Variants in ERICH6B observed in about 807,000 individuals in gnomAD.
The protein encoded by ERICH6B is glutamate rich 6B, also known as glutamate-rich protein 6B.
ERICH6B carries 69 observed loss-of-function variants against 80.0 expected under a neutral mutation model. The observed-to-expected ratio is 0.86, with a 90% confidence interval of 0.71 to 1.05. The LOEUF (loss-of-function observed/expected upper bound fraction) is 1.05, where lower values mean the gene tolerates loss of function less well. Among genes scored for constraint, ERICH6B ranks in the 50% least tolerant of loss-of-function variants. The probability of loss-of-function intolerance (pLI) is 0.00; values close to 1 mark genes in which losing one functional copy is unlikely to be tolerated. For synonymous variants in ERICH6B, 283 were observed against 291.9 expected (o/e 0.97, Z 0.31); for missense variants, 754 against 796.1 (o/e 0.95, Z 0.64).
chr13:45,546,538 G>A (rs1032237766), intron 13 of ERICH6B, among the ~76,000 whole-genome samples: 8 of 152,066 alleles, frequency 5.3e-5, no homozygotes, highest in Admixed American at 3.9e-4. Flanking sequence ...AGGCTTTGAC[G>A]CCCGTAGCTC....
chr13:45,591,253 T>G (rs1463312056), intron 3 of ERICH6B, among the ~76,000 whole-genome samples: 2 of 152,194 alleles, frequency 1.3e-5, no homozygotes, highest in Non-Finnish European at 2.9e-5. Context: ...CACTTATCCG[T>G]AGCTTACCCA....
chr13:45,605,405 T>A (rs553369346), intron 2 of ERICH6B, among the ~76,000 whole-genome samples: 19 of 152,374 alleles, frequency 1.2e-4, no homozygotes, highest in African/African-American at 4.3e-4. Context: ...TTTAGCTGTT[T>A]GTATAATGCT....
intron 7 of ERICH6B, among the ~76,000 whole-genome samples, chr13:45,579,447 T>C (rs1049998075): frequency 1.3e-5 from 2 of 152,206 alleles, no homozygotes; most frequent in African/African-American, 4.8e-5. Flanking sequence ...AAGTTGGGAT[T>C]CTGCTGCTGT....
At chr13:45,595,679 C>CTT (rs760500009) in intron 3 of ERICH6B, among the ~76,000 whole-genome samples, 2,659 of 135,958 alleles carry the variant, frequency 0.02, 83 homozygotes, top group African/African-American at 0.068. Context: ...TCTTCTCTCT[C>CTT]TTTTTTTTTT....
At chr13:45,608,688 G>A (rs1949883040) in intron 1 of ERICH6B, among the ~76,000 whole-genome samples, 1 of 152,136 alleles carries the variant, frequency 6.6e-6, no homozygotes, top group Admixed American at 6.5e-5. Flanking sequence ...TATTTAAGAA[G>A]GAAATAAAAG....
In ERICH6B at chr13:45,544,835, C is replaced by A. The variant is rs780390003; in HGVS notation, c.1797G>T (p.Arg599Ser). 1.9e-6 allele frequency: 3 copies of A among 1,551,578 alleles called. No homozygotes were observed. The highest frequency in any genetic ancestry group is 1.7e-6 in the Non-Finnish European group (2 of 1,147,004). ...AGCAGAAGATGATCTTATCCTGGCT[C>A]CTTATTTGTACCTGGATGTACTCAT... is the stretch of plus-strand genomic sequence containing the variant. The part of the protein sequence containing the change: ...KINEYIQVQI[R>S]SQDKIIFCFT... Residue 599 changes from arginine to serine, a missense_variant, in exon 14 of 15, where the codon AGG becomes AGT. Arg to Ser is a moderately radical substitution (Grantham distance 110, BLOSUM62 -1). Coordinates refer to ENST00000298738, the MANE Select transcript of ERICH6B (RefSeq NM_182542.3).
At chr13:45,567,532 A>G (rs1013394452) in intron 9 of ERICH6B, among the ~76,000 whole-genome samples, 20 of 152,174 alleles carry the variant, frequency 1.3e-4, no homozygotes, top group Non-Finnish European at 1.5e-5. Flanking sequence ...TATTATAAGG[A>G]GGAGTTTCCC....
At chr13:45,593,304 T>G (rs3014936) in intron 3 of ERICH6B, among the ~76,000 whole-genome samples, 69,106 of 151,894 alleles carry the variant, frequency 0.45, 16,263 homozygotes, top group Non-Finnish European at 0.51. Context: ...CCACAGCCTG[T>G]TTCATTGTGT....
At chr13:45,591,324 A>T (rs1349850491) in intron 3 of ERICH6B, among the ~76,000 whole-genome samples, 1 of 152,208 alleles carries the variant, frequency 6.6e-6, no homozygotes, top group Admixed American at 6.5e-5. Flanking sequence ...CGGCTGGGTG[A>T]GGTGGCTCAT....
chr13:45,585,081 C>T (rs757984374), intron 5 of ERICH6B, among the ~76,000 whole-genome samples: 8 of 152,188 alleles, frequency 5.3e-5, no homozygotes, highest in Admixed American at 1.3e-4. Context: ...CTGCTCAGTG[C>T]TCCTTGGTTC....
At chr13:45,550,544 A>G (rs967354378) in intron 11 of ERICH6B, among the ~76,000 whole-genome samples, 11 of 152,282 alleles carry the variant, frequency 7.2e-5, no homozygotes, top group South Asian at 6.2e-4. Context: ...AATCACCCCA[A>G]TGATTATTGA....
chr13:45,559,283 A>T (rs1874568256), intron 11 of ERICH6B, among the ~76,000 whole-genome samples: 1 of 150,902 alleles, frequency 6.6e-6, no homozygotes, highest in South Asian at 2.1e-4. Flanking sequence ...ATTTATTTGG[A>T]TTTTCTCTCT....
At chr13:45,612,858 G>A (rs921719213) in intron 1 of ERICH6B, among the ~76,000 whole-genome samples, 3 of 152,146 alleles carry the variant, frequency 2.0e-5, no homozygotes, top group Non-Finnish European at 4.4e-5. Flanking sequence ...CTTAGTCATT[G>A]GGAAGGCTTG....
intron 8 of ERICH6B, among the ~76,000 whole-genome samples, chr13:45,572,266 A>C (rs1274900926): frequency 6.6e-6 from 1 of 152,198 alleles, no homozygotes; most frequent in Non-Finnish European, 1.5e-5. Flanking sequence ...TGTGCTGGGC[A>C]CTGCCCTGAG....
intron 9 of ERICH6B, among the ~76,000 whole-genome samples, chr13:45,566,275 A>G (rs1002079874): frequency 3.3e-5 from 5 of 152,260 alleles, no homozygotes; most frequent in Non-Finnish European, 1.5e-5. Context: ...AATGCAATAG[A>G]AAAGAAAATC....
chr13:45,549,746 T>C (rs1874136705), intron 13 of ERICH6B, 147 bp downstream of exon 13: 2 of 872,236 alleles, frequency 2.3e-6, no homozygotes, highest in South Asian at 1.9e-5. Context: ...AGGGACCTCA[T>C]GGACTGGTCC....
Position 45,566,561 on chromosome 13 carries a change from T to G in ERICH6B, c.1187+1754A>C, listed in dbSNP as rs146539217. ...AAGGGGCCAACATAGAGCTTGGGCC[T>G]TGGCTTCAGAGGGTGTAAACCCCAA... On this transcript the variant is annotated intron_variant, in intron 9 of 14. Transcript: ENST00000298738. Among the ~76,000 whole-genome samples, 1,121 of 152,376 alleles carry G rather than the reference T, an allele frequency of 7.4e-3. 13 individuals carry two copies. The highest frequency in any genetic ancestry group is 0.025 in the African/African-American group (1,044 of 41,596).
At chr13:45,580,507 C>T in intron 6 of ERICH6B, 96 bp downstream of exon 6, 1 of 1,305,950 alleles carries the variant, frequency 7.7e-7, no homozygotes, top group Non-Finnish European at 1.1e-6. Context: ...ACAGCATGCT[C>T]TCCTTGGCTG....
rs74861488 is a variant in ERICH6B at position 45,575,466 on chromosome 13, C to G, written c.962-536G>C. Among the ~76,000 whole-genome samples the G allele has an allele frequency of 7.5e-3, 1,138 of 152,010 alleles. 14 individuals carry two copies. Among genetic ancestry groups the G allele is most frequent in the African/African-American group, 0.026 (1,060 of 41,442 alleles). ...GGAGGGAAGGAGGAGTAGGTGGGCA[C>G]GTGGTGGGCGGGGGCCAGCTTTCAA... On this transcript the variant is annotated intron_variant, in intron 7 of 14. Coordinates refer to ENST00000298738, the MANE Select transcript of ERICH6B (RefSeq NM_182542.3).
Sources: allele counts gnomAD v4.1 joint callset (sites outside exome capture counted in the v4.1 genomes callset), GRCh38; gene constraint gnomAD v4.1.1; transcripts MANE v1.5; gene names NCBI Gene and HGNC (gene_info 2026-07-23, HGNC 2026-07-21).